PGBD2: variants seen among roughly 807,000 people sequenced by gnomAD.
PGBD2 encodes piggyBac transposable element derived 2.
A neutral mutation model predicts 8.1 loss-of-function variants in PGBD2; 6 were observed. The observed-to-expected ratio is 0.74, with a 90% confidence interval of 0.40 to 1.46. The LOEUF is 1.46. PGBD2 is among the 40% of genes most tolerant of loss of function. PGBD2 has a pLI of 0.02. For missense variants in PGBD2, 802 were observed against 739.0 expected (o/e 1.09, Z -0.99); for synonymous variants, 318 against 272.2 (o/e 1.17, Z -1.66).
chr1:248,913,691 C>G, intron 1 of PGBD2, 125 bp from the exon 2 acceptor site: 2 of 651,314 alleles, frequency 3.1e-6, no homozygotes, highest in Non-Finnish European at 5.5e-6. Flanking sequence ...ACCAGTCGAC[C>G]CAGACACTAT....
At chr1:248,889,554 T>C in the PGBD2 span, among the ~76,000 whole-genome samples, 3 of 152,184 alleles carry the variant, frequency 2.0e-5, no homozygotes, top group Non-Finnish European at 2.9e-5. Context: ...GCTCCCTTTC[T>C]AGCTTCATGC....
the PGBD2 span, among the ~76,000 whole-genome samples, chr1:248,926,832 A>C: frequency 1.3e-4 from 20 of 152,170 alleles, no homozygotes; most frequent in African/African-American, 4.8e-4. Context: ...TTTAAGGAAA[A>C]TCTTTATGCT....
chr1:248,907,226 G>C (rs183455485), intron 1 of PGBD2, among the ~76,000 whole-genome samples: 1 of 152,256 alleles, frequency 6.6e-6, no homozygotes, highest in Non-Finnish European at 1.5e-5. Flanking sequence ...GCCTGGATGT[G>C]CACGTAGGCC....
chr1:248,907,466 C>A (rs182390847), intron 1 of PGBD2, among the ~76,000 whole-genome samples: 2 of 152,314 alleles, frequency 1.3e-5, no homozygotes, highest in East Asian at 1.9e-4. Flanking sequence ...TACTAATCCA[C>A]CTCAGCACAG....
chr1:248,909,010 C>A (rs914818806), intron 1 of PGBD2, among the ~76,000 whole-genome samples: 12 of 152,172 alleles, frequency 7.9e-5, no homozygotes, highest in East Asian at 3.8e-4. Context: ...GTCATAGTTA[C>A]AATTTTATGC....
chr1:248,878,930 T>C, the PGBD2 span, among the ~76,000 whole-genome samples: 3 of 152,226 alleles, frequency 2.0e-5, no homozygotes, highest in Non-Finnish European at 4.4e-5. Context: ...CTATAAAATC[T>C]ATCTGTAGGC....
At chr1:248,889,340 A>AT in the PGBD2 span, among the ~76,000 whole-genome samples, 5,165 of 151,818 alleles carry the variant, frequency 0.034, 287 homozygotes, top group African/African-American at 0.12. Flanking sequence ...AGCCAAGATC[A>AT]TGCCACTGCA....
At chr1:248,927,895 G>A in the PGBD2 span, among the ~76,000 whole-genome samples, 1 of 152,152 alleles carries the variant, frequency 6.6e-6, no homozygotes, top group Non-Finnish European at 1.5e-5. Flanking sequence ...AAAACAGAAA[G>A]GGATAACTTC....
the PGBD2 span, among the ~76,000 whole-genome samples, chr1:248,890,102 T>A: frequency 5.9e-5 from 9 of 151,988 alleles, no homozygotes; most frequent in Non-Finnish European, 1.3e-4. Context: ...TAATTTTGTA[T>A]TTTTAGTAGA....
chr1:248,884,293 T>C, the PGBD2 span, among the ~76,000 whole-genome samples: 1 of 151,870 alleles, frequency 6.6e-6, no homozygotes, highest in Non-Finnish European at 1.5e-5. Flanking sequence ...TCTCAAGGAG[T>C]CTTGGGAAAG....
At chr1:248,930,002 A>G in the PGBD2 span, among the ~76,000 whole-genome samples, 1 of 152,118 alleles carries the variant, frequency 6.6e-6, no homozygotes, top group Admixed American at 6.5e-5. Context: ...GACCTGGGAG[A>G]TGTGGCTGCA....
intron 2 of PGBD2, 62 bp downstream of exon 2, chr1:248,913,941 G>C: frequency 7.1e-7 from 1 of 1,409,070 alleles, no homozygotes; most frequent in Non-Finnish European, 1.0e-6. Context: ...CTTTTGAAAG[G>C]CCAGGTCCAT....
the PGBD2 span, among the ~76,000 whole-genome samples, chr1:248,888,311 G>A: frequency 6.6e-6 from 1 of 152,134 alleles, no homozygotes; most frequent in Non-Finnish European, 1.5e-5. Flanking sequence ...GTAGTTCTAG[G>A]TTCCTTGAGA....
chr1:248,899,908 C>T, the PGBD2 span, among the ~76,000 whole-genome samples: 2 of 151,178 alleles, frequency 1.3e-5, no homozygotes, highest in Non-Finnish European at 3.0e-5. Flanking sequence ...TCACCACTGA[C>T]GCCAATGGAA....
chr1:248,922,670 C>T (rs1304192994), downstream of PGBD2, among the ~76,000 whole-genome samples: 2 of 152,174 alleles, frequency 1.3e-5, no homozygotes, highest in East Asian at 3.9e-4. Flanking sequence ...GCATGAAGGG[C>T]TGTTGAATTT....
the PGBD2 span, among the ~76,000 whole-genome samples, chr1:248,926,057 T>C: frequency 6.6e-6 from 1 of 152,060 alleles, no homozygotes; most frequent in East Asian, 1.9e-4. Flanking sequence ...CAGCCGCCTC[T>C]CCAGCAGAAG....
At chr1:248,892,835 C>T in the PGBD2 span, among the ~76,000 whole-genome samples, 1 of 152,200 alleles carries the variant, frequency 6.6e-6, no homozygotes, top group Non-Finnish European at 1.5e-5. Context: ...GAGACTCAGG[C>T]TAACCACTCA....
chr1:248,911,720 C>T (rs1440796971), intron 1 of PGBD2, among the ~76,000 whole-genome samples: 6 of 150,488 alleles, frequency 4.0e-5, no homozygotes, highest in Admixed American at 6.6e-5. Flanking sequence ...CCTCACCTCC[C>T]GGACGGGGCG....
rs1662210320 is a variant in PGBD2 at position 248,918,733 on chromosome 1, AAGAT to A, written c.*373_*376del. ...CATTGCATGCCATGGTTTATAATCT[AAGAT>A]AGGCAATAGTGTATAAATATCATGT... On this transcript the variant is annotated 3_prime_UTR_variant, in exon 3 of 3. Coordinates refer to ENST00000329291, the MANE Select transcript of PGBD2 (RefSeq NM_170725.3). The A allele has an allele frequency of 6.0e-6, 1 of 167,398 alleles. No homozygotes were observed. Among genetic ancestry groups the A allele is most frequent in the Non-Finnish European group, 1.5e-5 (1 of 68,380 alleles). 10.4% of individuals were successfully genotyped at this position (167,398 alleles called of 1,614,324 possible). A position where few individuals can be genotyped will look rare whatever the true frequency, so the allele number is the denominator to read the frequency against.
Sources: allele counts gnomAD v4.1 joint callset (sites outside exome capture counted in the v4.1 genomes callset), GRCh38; gene constraint gnomAD v4.1.1; transcripts MANE v1.5; gene names NCBI Gene and HGNC (gene_info 2026-07-23, HGNC 2026-07-21).